PCDH15: variants seen among roughly 807,000 people sequenced by gnomAD.
PCDH15 encodes the protein protocadherin-15.
Under a neutral mutation model 178.5 loss-of-function variants are expected in PCDH15, and 129 were observed. That is an observed-to-expected ratio of 0.72 (90% CI 0.63 to 0.84). The LOEUF is 0.84. Ranked by LOEUF, PCDH15 falls within the 40% of genes least tolerant of loss-of-function variation. The pLI, the probability that PCDH15 is intolerant of heterozygous loss-of-function variation, is 0.00. For synonymous variants in PCDH15, 800 were observed against 732.0 expected (o/e 1.09, Z -1.50); for missense variants, 2,230 against 2,099.9 (o/e 1.06, Z -1.21).
intron 2 of PCDH15, among the ~76,000 whole-genome samples, chr10:55,064,077 C>T (rs10430540): frequency 0.79 from 119,631 of 152,028 alleles, 47,396 homozygotes; most frequent in African/African-American, 0.87. Context: ...AGAATCTAAG[C>T]AGAGAAGCAC....
At chr10:54,411,085 A>G (rs1332178966) in intron 3 of PCDH15, among the ~76,000 whole-genome samples, 1 of 152,166 alleles carries the variant, frequency 6.6e-6, no homozygotes, top group African/African-American at 2.4e-5. Context: ...CATTATGAAA[A>G]GGGAGTTATT....
At chr10:54,597,553 AAAAC>A (rs2092301915) in intron 2 of PCDH15, among the ~76,000 whole-genome samples, 1 of 151,894 alleles carries the variant, frequency 6.6e-6, no homozygotes, top group Admixed American at 6.6e-5. Flanking sequence ...AAGCAAGAGA[AAAAC>A]AACAACAACA....
intron 2 of PCDH15, among the ~76,000 whole-genome samples, chr10:55,097,610 A>G (rs866639345): frequency 6.6e-6 from 1 of 152,114 alleles, no homozygotes; most frequent in South Asian, 2.1e-4. Context: ...GTATTTCTGT[A>G]TTGTAAAACC....
chr10:55,589,368 T>C (rs74706600), intron 2 of PCDH15, among the ~76,000 whole-genome samples: 8,702 of 152,180 alleles, frequency 0.057, 560 homozygotes, highest in East Asian at 0.31. Flanking sequence ...TAGTTATAGA[T>C]ATACGGCGTT....
chr10:54,235,210 T>C (rs1293711723), intron 9 of PCDH15, among the ~76,000 whole-genome samples: 3 of 152,194 alleles, frequency 2.0e-5, no homozygotes, highest in African/African-American at 7.2e-5. Flanking sequence ...ATTCATATGA[T>C]CGATTTTTCC....
intron 8 of PCDH15, among the ~76,000 whole-genome samples, chr10:54,298,231 T>C (rs1248418472): frequency 2.0e-5 from 3 of 152,096 alleles, no homozygotes; most frequent in Non-Finnish European, 4.4e-5. Flanking sequence ...GGTCTATTGA[T>C]CCTAAAAGAT....
At position 54,999,773 on chromosome 10, in the gene PCDH15, C is replaced by T. The variant is rs569894691; in HGVS notation, c.-79-102273G>A. ...TTCACGTAGGTTCTTTTCTATATTC[C>T]CTAAGTGTCGGATGGTCTGAGAAAT... On this transcript the variant is annotated intron_variant, in intron 2 of 5. Transcript: ENST00000458638. Among the ~76,000 whole-genome samples the T allele has an allele frequency of 5.9e-5, 9 of 152,198 alleles. No homozygotes were observed. In the South Asian group the frequency reaches 8.3e-4, roughly 14 times the overall value.
chr10:54,870,354 T>C (rs1463060535), intron 3 of PCDH15, among the ~76,000 whole-genome samples: 1 of 151,902 alleles, frequency 6.6e-6, no homozygotes, highest in Non-Finnish European at 1.5e-5. Context: ...GGCCTGGGAG[T>C]TACATTTTGA....
In PCDH15 at chr10:54,332,387, A is replaced by G. The variant is rs761359500; in HGVS notation, c.595-2681T>C. On this transcript the variant is annotated intron_variant, in intron 6 of 37. Coordinates refer to ENST00000644397, the MANE Select transcript of PCDH15 (RefSeq NM_001384140.1). ...TATATTATATATATAATATATATAT[A>G]GTAAATTTTCTGCAGCTGAAAGCAC... is the stretch of plus-strand genomic sequence containing the variant. Among the ~76,000 whole-genome samples the G allele has an allele frequency of 1.9e-4, 25 of 131,726 alleles. 3 individuals carry two copies. The highest frequency in any genetic ancestry group is 4.0e-4 in the East Asian group (2 of 5,014). The allele number at this position is 131,726 out of a possible 152,430, so 86.4% of individuals were successfully genotyped here.
At chr10:55,494,642 A>G (rs1840492230) in intron 2 of PCDH15, among the ~76,000 whole-genome samples, 1 of 151,730 alleles carries the variant, frequency 6.6e-6, no homozygotes, top group South Asian at 2.1e-4. Flanking sequence ...TGCAACATGC[A>G]TCCCATCAGG....
chr10:54,538,956 TA>T (rs1484991283), intron 2 of PCDH15, among the ~76,000 whole-genome samples: 2 of 152,224 alleles, frequency 1.3e-5, no homozygotes, highest in South Asian at 2.1e-4. Flanking sequence ...TAATTCTGTG[TA>T]AAATGGCATT....
chr10:55,394,516 C>A (rs970924518), intron 2 of PCDH15, among the ~76,000 whole-genome samples: 3 of 151,712 alleles, frequency 2.0e-5, no homozygotes, highest in African/African-American at 7.3e-5. Flanking sequence ...CGCACCCTGC[C>A]CCAGATCTCA....
intron 3 of PCDH15, among the ~76,000 whole-genome samples, chr10:54,884,063 A>G (rs577513131): frequency 2.4e-4 from 37 of 152,158 alleles, no homozygotes; most frequent in African/African-American, 8.9e-4. Context: ...TAATATCATG[A>G]GATTTATGTT....
At chr10:55,070,936 A>G (rs1214328605) in intron 2 of PCDH15, among the ~76,000 whole-genome samples, 3 of 152,060 alleles carry the variant, frequency 2.0e-5, no homozygotes, top group East Asian at 1.9e-4. Context: ...ATTTCTTTGT[A>G]TCCTCTTTTA....
chr10:54,175,738 C>T (rs1181946135), intron 13 of PCDH15, among the ~76,000 whole-genome samples: 1 of 152,166 alleles, frequency 6.6e-6, no homozygotes. Flanking sequence ...TCATCTCTGT[C>T]ACTTAAAACC....
chr10:55,490,678 G>C (rs1024816032), intron 2 of PCDH15, among the ~76,000 whole-genome samples: 1 of 151,668 alleles, frequency 6.6e-6, no homozygotes, highest in African/African-American at 2.4e-5. Context: ...TCTAACCTAT[G>C]TCTAATTCTA....
chr10:54,598,589 A>G (rs865805272), intron 2 of PCDH15, among the ~76,000 whole-genome samples: 5 of 152,098 alleles, frequency 3.3e-5, no homozygotes, highest in Admixed American at 6.6e-5. Flanking sequence ...TCCACTTGCT[A>G]TTTCTATTCA....
chr10:54,671,642 G>T (rs764858248), intron 1 of PCDH15, among the ~76,000 whole-genome samples: 1 of 152,094 alleles, frequency 6.6e-6, no homozygotes, highest in Non-Finnish European at 1.5e-5. Flanking sequence ...ATATTCATTT[G>T]TTCATTTATA....
chr10:54,878,750 G>C (rs1954201168), intron 3 of PCDH15, among the ~76,000 whole-genome samples: 1 of 152,028 alleles, frequency 6.6e-6, no homozygotes, highest in South Asian at 2.1e-4. Context: ...ATGGTGGTAT[G>C]CTGCACAGAT....
Sources: gnomAD v4.1 joint callset for allele counts (sites outside exome capture counted in the v4.1 genomes callset) on GRCh38, gnomAD v4.1.1 for gene constraint, MANE v1.5 for transcripts, NCBI Gene and HGNC (gene_info 2026-07-23, HGNC 2026-07-21) for gene names.